Variants in CSMD1 observed in about 807,000 individuals in gnomAD.
CSMD1 encodes CUB and sushi domain-containing protein 1.
CSMD1 carries 213 observed loss-of-function variants against 417.5 expected under a neutral mutation model. That is an observed-to-expected ratio of 0.51 (90% CI 0.46 to 0.57). CSMD1 has a LOEUF of 0.57. Ranked by LOEUF, CSMD1 falls within the 20% of genes least tolerant of loss-of-function variation. The pLI is 0.00. For synonymous variants in CSMD1, 2,862 were observed against 1,736.8 expected (o/e 1.65, Z -16.11); for missense variants, 6,923 against 4,529.7 (o/e 1.53, Z -15.17).
rs953150327 is a variant in CSMD1 at position 2,935,710 on chromosome 8, A to G, written c.*2875T>C. On this transcript the variant is annotated 3_prime_UTR_variant, in exon 70 of 70. Coordinates refer to ENST00000635120, the MANE Select transcript of CSMD1 (RefSeq NM_033225.6). ...TCTTTCGCACCTACGTCGTGACAGC[A>G]GCGTGTGGTGGGACGGGAGGGAGGG... The G allele has an allele frequency of 2.0e-5, 3 of 152,226 alleles. No individual in the cohort carries two copies. In the South Asian group the frequency reaches 6.2e-4, roughly 32 times the overall value. The allele number at this position is 152,226 out of a possible 1,614,324, so 9.4% of individuals were successfully genotyped here.
At chr8:3,620,419 G>A (rs549945906) in intron 7 of CSMD1, among the ~76,000 whole-genome samples, 1 of 152,092 alleles carries the variant, frequency 6.6e-6, no homozygotes, top group African/African-American at 2.4e-5. Flanking sequence ...AAACCCCCAT[G>A]TTCATTTCCT....
At position 4,031,962 on chromosome 8, in the gene CSMD1, A is replaced by G; in HGVS notation, c.553T>C (p.Cys185Arg). ...YILEGHAILT[C>R]IVSPGNGASW... ...GCACCATTTCCTGGGCTGACGATGCAGGTCAGGATGGCGTGGCCTTCCAAG... is the reference window on the plus strand; with the variant it reads ...GCACCATTTCCTGGGCTGACGATGCGGGTCAGGATGGCGTGGCCTTCCAAG... Residue 185 changes from cysteine to arginine, a missense_variant, in exon 4 of 70, where the codon TGC (cysteine) becomes CGC (arginine). Cys to Arg is a radical substitution (Grantham distance 180, BLOSUM62 -3). Transcript: ENST00000635120. The G allele has an allele frequency of 6.2e-7, 1 of 1,613,978 alleles. No individual in the cohort carries two copies. Among genetic ancestry groups the G allele is most frequent in the Non-Finnish European group, 8.5e-7 (1 of 1,179,888 alleles).
At chr8:3,348,816 G>A (rs1808190639) in intron 21 of CSMD1, among the ~76,000 whole-genome samples, 1 of 152,144 alleles carries the variant, frequency 6.6e-6, no homozygotes, top group Admixed American at 6.6e-5. Flanking sequence ...TCTTATCAAG[G>A]TAAAAGTGAA....
intron 4 of CSMD1, among the ~76,000 whole-genome samples, chr8:4,010,616 C>G (rs1030425153): frequency 1.3e-5 from 2 of 152,202 alleles, no homozygotes; most frequent in East Asian, 1.9e-4. Flanking sequence ...CTCTCCATAC[C>G]AGGTCACTTA....
At chr8:3,870,998 G>A (rs1199100446) in intron 5 of CSMD1, among the ~76,000 whole-genome samples, 5 of 151,420 alleles carry the variant, frequency 3.3e-5, no homozygotes, top group African/African-American at 9.7e-5. Flanking sequence ...CTCATTCAAT[G>A]TGTTATAATT....
At chr8:4,251,220 C>A (rs1468837042) in intron 3 of CSMD1, among the ~76,000 whole-genome samples, 1 of 152,018 alleles carries the variant, frequency 6.6e-6, no homozygotes, top group African/African-American at 2.4e-5. Context: ...AAACCTATAA[C>A]AGCTAACAAT....
Position 4,925,215 on chromosome 8 carries a change from G to GTTTTTTTTTTTTTT in CSMD1, c.85+69103_85+69116dup, listed in dbSNP as rs10692207. Among the ~76,000 whole-genome samples the GTTTTTTTTTTTTTT allele has an allele frequency of 1.5e-4, 11 of 72,734 alleles. 1 individual carries two copies. The highest frequency in any genetic ancestry group is 1.0e-3 in the East Asian group (2 of 1,990). 47.7% of individuals were successfully genotyped at this position (72,734 alleles called of 152,430 possible). A position where few individuals can be genotyped will look rare whatever the true frequency, so the allele number is the denominator to read the frequency against. ...AAACATGGTGAATACCAGTTTTATG[G>GTTTTTTTTTTTTTT]TTTTTTTTTTTTTTTTTTTTTTTTT... On this transcript the variant is annotated intron_variant, in intron 1 of 69. Coordinates refer to ENST00000635120, the MANE Select transcript of CSMD1 (RefSeq NM_033225.6).
In CSMD1 at chr8:3,757,483, A is replaced by T. The variant is rs544139133; in HGVS notation, c.819-3441T>A. On this transcript the variant is annotated intron_variant, in intron 5 of 69. Coordinates refer to ENST00000635120, the MANE Select transcript of CSMD1 (RefSeq NM_033225.6). ...GATTGTATTTTTTCAGTCACTTAAC[A>T]ATGTGAAAGCCACTCTTAGCTGATG... Among the ~76,000 whole-genome samples, 39 of 152,314 alleles carry T rather than the reference A, an allele frequency of 2.6e-4. No individual in the cohort carries two copies. In the South Asian group the frequency reaches 4.6e-3, roughly 18 times the overall value.
chr8:3,512,323 T>C (rs1325099157), intron 10 of CSMD1, among the ~76,000 whole-genome samples: 6 of 152,354 alleles, frequency 3.9e-5, no homozygotes, highest in South Asian at 2.1e-4. Context: ...ATTTGTTCTA[T>C]ACCCACAGCC....
intron 2 of CSMD1, among the ~76,000 whole-genome samples, chr8:4,581,156 T>C (rs907762999): frequency 6.6e-6 from 1 of 152,222 alleles, no homozygotes; most frequent in Non-Finnish European, 1.5e-5. Context: ...ATACCATCTA[T>C]GAACACAAAT....
intron 41 of CSMD1, among the ~76,000 whole-genome samples, chr8:3,134,881 T>C (rs1035546114): frequency 5.9e-5 from 9 of 152,282 alleles, no homozygotes; most frequent in Middle Eastern, 3.4e-3. Context: ...TCAGGAAGCA[T>C]AGAGTGTGGC....
At chr8:3,420,823 T>A (rs1813441651) in intron 12 of CSMD1, among the ~76,000 whole-genome samples, 1 of 152,100 alleles carries the variant, frequency 6.6e-6, no homozygotes, top group South Asian at 2.1e-4. Context: ...CTTAAACACA[T>A]AAAGATGGTA....
chr8:4,079,134 C>T (rs930702052), intron 3 of CSMD1, among the ~76,000 whole-genome samples: 1 of 151,594 alleles, frequency 6.6e-6, no homozygotes, highest in Non-Finnish European at 1.5e-5. Context: ...TATTCAACTA[C>T]TGGATCATAT....
intron 5 of CSMD1, among the ~76,000 whole-genome samples, chr8:3,874,210 C>A (rs557517809): frequency 6.6e-6 from 1 of 152,094 alleles, no homozygotes; most frequent in African/African-American, 2.4e-5. Flanking sequence ...GAAGACCTTC[C>A]TAACCTTCCT....
intron 3 of CSMD1, among the ~76,000 whole-genome samples, chr8:4,262,672 C>A (rs896786232): frequency 6.6e-6 from 1 of 152,114 alleles, no homozygotes; most frequent in Non-Finnish European, 1.5e-5. Flanking sequence ...CGTGCCCAAC[C>A]AGGACCCTCA....
chr8:3,191,086 A>C (rs1796393544), intron 33 of CSMD1, among the ~76,000 whole-genome samples: 1 of 152,150 alleles, frequency 6.6e-6, no homozygotes, highest in Non-Finnish European at 1.5e-5. Flanking sequence ...AGATTTTTCT[A>C]ATGAGAACAC....
At chr8:4,229,712 T>G (rs897896740) in intron 3 of CSMD1, among the ~76,000 whole-genome samples, 9 of 152,122 alleles carry the variant, frequency 5.9e-5, no homozygotes, top group Non-Finnish European at 1.2e-4. Flanking sequence ...CCCTTCCTCT[T>G]GCTTGACCCA....
chr8:4,292,454 G>A (rs1050061385), intron 3 of CSMD1, among the ~76,000 whole-genome samples: 5 of 152,094 alleles, frequency 3.3e-5, no homozygotes, highest in African/African-American at 1.2e-4. Flanking sequence ...GAATTTCACC[G>A]TGTTAGTCAG....
At chr8:3,577,181 T>G (rs543129005) in intron 9 of CSMD1, among the ~76,000 whole-genome samples, 1 of 152,336 alleles carries the variant, frequency 6.6e-6, no homozygotes, top group South Asian at 2.1e-4. Flanking sequence ...GCTGTGAAGC[T>G]GGCCCCTCAC....
Sources: gnomAD v4.1 joint callset for allele counts (sites outside exome capture counted in the v4.1 genomes callset) on GRCh38, gnomAD v4.1.1 for gene constraint, MANE v1.5 for transcripts, NCBI Gene and HGNC (gene_info 2026-07-23, HGNC 2026-07-21) for gene names.